Variants in HCRTR1 observed in about 807,000 individuals in gnomAD.
HCRTR1 encodes hypocretin receptor 1, also known as orexin/Hypocretin receptor type 1.
HCRTR1 carries 28 observed loss-of-function variants against 40.6 expected under a neutral mutation model. The ratio of observed to expected loss-of-function variants is 0.69; its 90% CI spans 0.51 to 0.95. The LOEUF (loss-of-function observed/expected upper bound fraction) is 0.95. Ranked by LOEUF, HCRTR1 falls within the 40% of genes least tolerant of loss-of-function variation. The probability of loss-of-function intolerance (pLI) is 0.00; values close to 1 mark genes in which losing one functional copy is unlikely to be tolerated. For synonymous variants in HCRTR1, 209 were observed against 230.0 expected (o/e 0.91, Z 0.83); for missense variants, 482 against 564.7 (o/e 0.85, Z 1.48).
chr1:31,628,073 A>G (rs1178681736), downstream of HCRTR1, among the ~76,000 whole-genome samples: 1 of 151,904 alleles, frequency 6.6e-6, no homozygotes, highest in Non-Finnish European at 1.5e-5. Flanking sequence ...CCTTGTTGCC[A>G]GAGAAGGACG....
downstream of HCRTR1, among the ~76,000 whole-genome samples, chr1:31,631,115 C>T (rs150804195): frequency 5.9e-5 from 9 of 152,266 alleles, no homozygotes; most frequent in East Asian, 9.7e-4. Flanking sequence ...ATTGCAGAGA[C>T]GACAACGGAC....
At position 31,623,616 on chromosome 1, in the gene HCRTR1, C is replaced by A; in HGVS notation, c.832C>A (p.Pro278Thr). 6.2e-7 allele frequency: 1 copy of A among 1,613,814 alleles called. No individual in the cohort carries two copies. The highest frequency in any genetic ancestry group is 8.5e-7 in the Non-Finnish European group (1 of 1,180,016). ...LEQGLSGEPQ[P>T]RARAFLAEVK... ...GCAGGGCCTGAGTGGAGAGCCCCAG[C>A]CCCGGGCCCGCGCCTTCCTGGCTGA... The change falls in exon 7 of 9, where the codon CCC (proline) becomes ACC (threonine). Residue 278 changes from proline to threonine, a missense_variant. By Grantham distance (38) the Pro-to-Thr change is conservative. Transcript: ENST00000403528.
rs981622206 is a variant in HCRTR1, at chr1:31,625,580, G to A, written c.1087+462G>A. Among the ~76,000 whole-genome samples the A allele has an allele frequency of 5.3e-5, 8 of 152,344 alleles. No homozygotes were observed. The highest frequency in any genetic ancestry group is 1.9e-4 in the African/African-American group (8 of 41,578). On this transcript the variant is annotated intron_variant, in intron 8 of 8. Transcript: ENST00000403528. This position sits in a 1 kb window ranked among gnomAD's most constrained non-coding sequence, Gnocchi z 4.2. ...CTCTGAGAGACAAGCCAGGCCCAGG[G>A]AAGGGCTTCGCCGGCTCAGCTAGAC... is the stretch of plus-strand genomic sequence containing the variant.
chr1:31,619,467 G>A (rs550923322), intron 3 of HCRTR1, 65 bp from the exon 4 acceptor site: 226 of 1,611,786 alleles, frequency 1.4e-4, no homozygotes, highest in East Asian at 4.5e-5. Context: ...AGGAGGGCTC[G>A]CTGATTAGGC....
chr1:31,630,905 A>T (rs1640083164), downstream of HCRTR1: 1 of 1,328,972 alleles, frequency 7.5e-7, no homozygotes, highest in African/African-American at 1.5e-5. Flanking sequence ...TCCATCAATC[A>T]GGAATACTGG....
chr1:31,633,690 T>G (rs1373035730), downstream of HCRTR1, among the ~76,000 whole-genome samples: 1 of 152,166 alleles, frequency 6.6e-6, no homozygotes, highest in African/African-American at 2.4e-5. Flanking sequence ...GCACAGTGGC[T>G]CACGACTGTA....
downstream of HCRTR1, among the ~76,000 whole-genome samples, chr1:31,633,829 C>A (rs1640182444): frequency 6.6e-6 from 1 of 152,112 alleles, no homozygotes; most frequent in African/African-American, 2.4e-5. Context: ...GTGGCACATG[C>A]CTGTAATCCC....
chr1:31,634,356 T>C (rs899775562), downstream of HCRTR1, among the ~76,000 whole-genome samples: 3 of 152,220 alleles, frequency 2.0e-5, no homozygotes, highest in Non-Finnish European at 2.9e-5. Context: ...CCTTACTAGC[T>C]TGTGTGACTT....
chr1:31,632,896 G>A (rs1278209905), downstream of HCRTR1, among the ~76,000 whole-genome samples: 1 of 152,188 alleles, frequency 6.6e-6, no homozygotes, highest in Non-Finnish European at 1.5e-5. Context: ...CCTCCCTGCT[G>A]TTTCCTACAG....
Position 31,619,148 on chromosome 1 carries a change from C to T in HCRTR1, c.-45C>T. On this transcript the variant is annotated 5_prime_UTR_variant, in exon 3 of 9. Coordinates refer to ENST00000403528, the MANE Select transcript of HCRTR1 (RefSeq NM_001525.3). ...CTGGCCCAAGCTCCCTCCTCTCCCT[C>T]TGTAGAGCCTAGGATGCCCCTCTGC... The T allele has an allele frequency of 6.4e-7, 1 of 1,558,970 alleles. No individual in the cohort carries two copies. The highest frequency in any genetic ancestry group is 8.7e-7 in the Non-Finnish European group (1 of 1,146,186).
At chr1:31,617,919 GT>G (rs1203354031) in intron 1 of HCRTR1, 38 bp downstream of exon 1, 1 of 152,244 alleles carries the variant, frequency 6.6e-6, no homozygotes, top group African/African-American at 2.4e-5. Context: ...TGGGATGGGG[GT>G]TCCAAAGGAC....
At chr1:31,623,802 A>T in intron 7 of HCRTR1, 53 bp downstream of exon 7, 1 of 1,397,350 alleles carries the variant, frequency 7.2e-7, no homozygotes, top group Non-Finnish European at 1.0e-6. Flanking sequence ...TTGGGGAAGG[A>T]GCTCTCCTTG....
chr1:31,618,983 C>CTGGCA, intron 2 of HCRTR1, 68 bp from the exon 3 acceptor site: 1 of 584,446 alleles, frequency 1.7e-6, no homozygotes, highest in Non-Finnish European at 3.0e-6. Flanking sequence ...CGCAAAGCGC[C>CTGGCA]TGGCACAATC....
chr1:31,624,939 C>G, intron 7 of HCRTR1, 58 bp from the exon 8 acceptor site: 2 of 1,511,266 alleles, frequency 1.3e-6, no homozygotes, highest in South Asian at 2.6e-5. Flanking sequence ...AGCAGCACTC[C>G]CCCAGTACAT....
chr1:31,624,964 C>T (rs201811007), intron 7 of HCRTR1, 33 bp from the exon 8 acceptor site: 18 of 1,564,046 alleles, frequency 1.2e-5, no homozygotes, highest in Non-Finnish European at 1.6e-5. Context: ...ACGCAGCTAC[C>T]CCATTTCTGA....
At position 31,626,901 on chromosome 1, in the gene HCRTR1, T is replaced by C. The variant is rs1180591467; in HGVS notation, c.1199T>C (p.Leu400Ser). 6 of 1,613,912 alleles carry C rather than the reference T, an allele frequency of 3.7e-6. No individual in the cohort carries two copies. Among genetic ancestry groups the C allele is most frequent in the Non-Finnish European group, 5.1e-6 (6 of 1,180,040 alleles). The change falls in exon 9 of 9, where the codon TTG becomes TCG. Residue 400 changes from leucine (L) to serine (S), a missense_variant. Leu to Ser is a moderately radical substitution (Grantham distance 145). Transcript: ENST00000403528. This position sits in a 1 kb window ranked among gnomAD's most constrained non-coding sequence, Gnocchi z 4.6. ...CGCTCCTCTGCCAGCCACAAGTCCT[T>C]GTCCTTGCAGAGCCGATGCTCCATC... ...SPRSSASHKS[L>S]SLQSRCSISK...
downstream of HCRTR1, chr1:31,633,113 G>C (rs776937159): frequency 1.9e-6 from 3 of 1,578,976 alleles, no homozygotes; most frequent in Non-Finnish European, 1.7e-6. Context: ...TCCACTATCA[G>C]GTGGCTCTGC....
downstream of HCRTR1, among the ~76,000 whole-genome samples, chr1:31,631,372 G>GACT (rs1463600410): frequency 1.3e-5 from 2 of 152,222 alleles, no homozygotes; most frequent in Non-Finnish European, 2.9e-5. Context: ...TTAGCACAGT[G>GACT]ACTGGCACAG....
Position 31,619,286 on chromosome 1 carries a change from C to T in HCRTR1, c.94C>T (p.Leu32Phe). The T allele has an allele frequency of 6.2e-7, 1 of 1,614,170 alleles. No individual in the cohort carries two copies. The highest frequency in any genetic ancestry group is 8.5e-7 in the Non-Finnish European group (1 of 1,180,038). ...PVPPDYEDEF[L>F]RYLWRDYLYP... ...GCCTCCAGACTATGAAGATGAGTTT[C>T]TCCGCTATCTGTGGCGCGATTATCT... Residue 32 changes from leucine (L) to phenylalanine (F), a missense_variant, in exon 3 of 9, where the codon CTC becomes TTC. Physicochemically the swap from Leu to Phe is conservative, Grantham distance 22 (BLOSUM62 0). Transcript: ENST00000403528.
Sources: allele counts gnomAD v4.1 joint callset (sites outside exome capture counted in the v4.1 genomes callset), GRCh38; gene constraint gnomAD v4.1.1; non-coding constraint Gnocchi (gnomAD v3.1); transcripts MANE v1.5; gene names NCBI Gene and HGNC (gene_info 2026-07-23, HGNC 2026-07-21).